The following RANBP17 variants were observed in gnomAD, a reference collection of about 807,000 sequenced individuals.
The protein encoded by RANBP17 is ran-binding protein 17.
In RANBP17, 158 loss-of-function variants were observed where a neutral mutation model predicts 141.2. The ratio of observed to expected loss-of-function variants is 1.12; its 90% CI spans 0.98 to 1.28. The LOEUF is 1.28. Ranked by LOEUF, RANBP17 falls within the 50% of genes most tolerant of loss-of-function variation. RANBP17 has a pLI of 0.00. For missense variants in RANBP17, 1,438 were observed against 1,290.7 expected (o/e 1.11, Z -1.75); for synonymous variants, 430 against 450.0 (o/e 0.96, Z 0.56).
At position 170,939,197 on chromosome 5, in the gene RANBP17, C is replaced by T. The variant is rs193069871; in HGVS notation, c.1469-14400C>T. On this transcript the variant is annotated intron_variant, in intron 12 of 27. Coordinates refer to ENST00000523189, the MANE Select transcript of RANBP17 (RefSeq NM_022897.5). Reference sequence around the variant, plus strand: ...AATATCTTTCGAGAAAAACGATATACAATAGAGATTTCAGACAAGTGAAAG... The same window carrying T: ...AATATCTTTCGAGAAAAACGATATATAATAGAGATTTCAGACAAGTGAAAG... Among the ~76,000 whole-genome samples the T allele has an allele frequency of 7.6e-3, 1,159 of 151,982 alleles. 10 individuals carry two copies. Among genetic ancestry groups the T allele is most frequent in the Non-Finnish European group, 0.012 (848 of 67,976 alleles).
chr5:171,196,843 C>T (rs892561762), intron 18 of RANBP17, among the ~76,000 whole-genome samples: 11 of 151,802 alleles, frequency 7.2e-5, no homozygotes, highest in African/African-American at 1.9e-4. Context: ...TTTTAAGAGA[C>T]GAGATCTCAC....
intron 14 of RANBP17, among the ~76,000 whole-genome samples, chr5:171,064,118 G>C (rs569677144): frequency 6.6e-6 from 1 of 152,232 alleles, no homozygotes; most frequent in African/African-American, 2.4e-5. Flanking sequence ...CACTTCTGGA[G>C]TGAGGCAATG....
intron 21 of RANBP17, among the ~76,000 whole-genome samples, chr5:171,221,085 T>C (rs1345154406): frequency 2.0e-5 from 3 of 152,210 alleles, no homozygotes; most frequent in Admixed American, 6.5e-5. Flanking sequence ...GCCAAAGCAA[T>C]TGTTTAAAAA....
intron 14 of RANBP17, among the ~76,000 whole-genome samples, chr5:171,030,440 G>A (rs1781485846): frequency 1.3e-5 from 2 of 148,492 alleles, no homozygotes; most frequent in African/African-American, 5.2e-5. Flanking sequence ...TGTAATATGT[G>A]CAGAAGAATC....
intron 14 of RANBP17, among the ~76,000 whole-genome samples, chr5:171,011,722 A>G (rs1355659099): frequency 6.6e-6 from 1 of 151,936 alleles, no homozygotes; most frequent in African/African-American, 2.4e-5. Flanking sequence ...GAACAAGAAT[A>G]TTCTCATACA....
intron 5 of RANBP17, among the ~76,000 whole-genome samples, chr5:170,906,968 C>G (rs1233867027): frequency 4.0e-5 from 6 of 151,892 alleles, no homozygotes; most frequent in Non-Finnish European, 2.9e-5. Context: ...TTCATTCAGC[C>G]TAATTTTATG....
intron 14 of RANBP17, among the ~76,000 whole-genome samples, chr5:171,011,226 G>A (rs1780011216): frequency 6.6e-6 from 1 of 152,010 alleles, no homozygotes; most frequent in Non-Finnish European, 1.5e-5. Flanking sequence ...TCAACTAACA[G>A]TAGATATTGT....
At chr5:171,288,934 T>C (rs912761962) in intron 25 of RANBP17, among the ~76,000 whole-genome samples, 7 of 152,190 alleles carry the variant, frequency 4.6e-5, no homozygotes, top group Non-Finnish European at 1.0e-4. Flanking sequence ...AACAAGATCC[T>C]TGCAAATGAA....
At chr5:171,258,557 G>A (rs991837542) in intron 24 of RANBP17, among the ~76,000 whole-genome samples, 7 of 152,078 alleles carry the variant, frequency 4.6e-5, no homozygotes, top group Non-Finnish European at 1.0e-4. Context: ...GAACAGAATA[G>A]AGAGCCCAGA....
chr5:171,042,787 C>T (rs1782334347), intron 14 of RANBP17, among the ~76,000 whole-genome samples: 2 of 152,094 alleles, frequency 1.3e-5, no homozygotes, highest in Non-Finnish European at 2.9e-5. Context: ...TAGGGGGGGT[C>T]ATCATCTTTT....
At chr5:171,184,547 T>C (rs1761105312) in intron 18 of RANBP17, among the ~76,000 whole-genome samples, 1 of 152,234 alleles carries the variant, frequency 6.6e-6, no homozygotes, top group South Asian at 2.1e-4. Context: ...CTGTTGTACG[T>C]AGATGGTGAC....
intron 24 of RANBP17, 161 bp downstream of exon 24, chr5:171,242,981 T>C: frequency 1.5e-6 from 1 of 675,340 alleles, no homozygotes; most frequent in Non-Finnish European, 2.5e-6. Flanking sequence ...AATGTATTTC[T>C]TCATATTTTG....
At chr5:171,176,244 A>G (rs1365286114) in intron 16 of RANBP17, among the ~76,000 whole-genome samples, 1 of 152,146 alleles carries the variant, frequency 6.6e-6, no homozygotes, top group African/African-American at 2.4e-5. Context: ...TCTATTTTCT[A>G]TCAAAGTCAC....
chr5:171,280,957 A>G (rs1467634581), intron 25 of RANBP17, among the ~76,000 whole-genome samples: 2 of 152,166 alleles, frequency 1.3e-5, no homozygotes, highest in East Asian at 3.9e-4. Flanking sequence ...CAGTTATACT[A>G]TTTGCTAACT....
At chr5:171,098,574 C>T (rs1786880688) in intron 14 of RANBP17, among the ~76,000 whole-genome samples, 1 of 152,020 alleles carries the variant, frequency 6.6e-6, no homozygotes, top group African/African-American at 2.4e-5. Context: ...AAATTTTCTC[C>T]CATTCTGTAG....
intron 14 of RANBP17, among the ~76,000 whole-genome samples, chr5:170,991,433 C>T (rs904368817): frequency 8.6e-5 from 13 of 151,744 alleles, no homozygotes; most frequent in East Asian, 1.9e-4. Flanking sequence ...AGGTAGTCAC[C>T]GTATTCGGGT....
chr5:171,167,486 G>T (rs1750766367), intron 14 of RANBP17, among the ~76,000 whole-genome samples: 1 of 152,096 alleles, frequency 6.6e-6, no homozygotes, highest in Admixed American at 6.6e-5. Context: ...AGTAATTTGA[G>T]ATAATGCCAT....
intron 13 of RANBP17, among the ~76,000 whole-genome samples, chr5:170,961,422 T>G (rs931794260): frequency 6.6e-6 from 1 of 152,250 alleles, no homozygotes; most frequent in African/African-American, 2.4e-5. Flanking sequence ...TTTTATTCTG[T>G]GCTTTTTACC....
chr5:171,186,381 T>C (rs951154379), intron 18 of RANBP17, among the ~76,000 whole-genome samples: 1 of 152,120 alleles, frequency 6.6e-6, no homozygotes, highest in African/African-American at 2.4e-5. Context: ...AGGCATCATC[T>C]TTCCTTAAAC....
Sources: gnomAD v4.1 joint callset for allele counts (sites outside exome capture counted in the v4.1 genomes callset) on GRCh38, gnomAD v4.1.1 for gene constraint, MANE v1.5 for transcripts, NCBI Gene and HGNC (gene_info 2026-07-23, HGNC 2026-07-21) for gene names.